NRG1: variants seen among roughly 807,000 people sequenced by gnomAD.
NRG1 encodes neuregulin 1.
Under a neutral mutation model 63.8 loss-of-function variants are expected in NRG1, and 18 were observed. The observed-to-expected ratio is 0.28, with a 90% CI of 0.19 to 0.42. NRG1 has a LOEUF of 0.42. NRG1 is among the 10% of genes least tolerant of loss of function. The probability of loss-of-function intolerance (pLI) is 1.00; values close to 1 mark genes in which losing one functional copy is unlikely to be tolerated. For missense variants in NRG1, 762 were observed against 814.7 expected, an observed-to-expected ratio of 0.94 and a Z score of 0.79; for synonymous variants, 302 against 301.3, an observed-to-expected ratio of 1.00 and a Z score of -0.02.
chr8:32,607,513 G>A (rs2129539938), intron 3 of NRG1, among the ~76,000 whole-genome samples: 1 of 152,226 alleles, frequency 6.6e-6, no homozygotes, highest in Non-Finnish European at 1.5e-5. Context: ...CATGGTTTCT[G>A]ATTTACAGGA....
chr8:32,350,448 AC>A (rs1805457103), intron 1 of NRG1, among the ~76,000 whole-genome samples: 1 of 152,176 alleles, frequency 6.6e-6, no homozygotes, highest in Non-Finnish European at 1.5e-5. Flanking sequence ...TTGTTAGTTT[AC>A]AACTAACAAA....
Position 31,859,033 on chromosome 8 carries a change from T to G in NRG1, c.37+219602T>G, listed in dbSNP as rs568753969. On this transcript the variant is annotated intron_variant, in intron 1 of 10. Transcript: ENST00000519301. ...ATGCTACAGAAATAAACAAACTTAT[T>G]TCTCATTGGCAAAAAAGTGTTGATT... Among the ~76,000 whole-genome samples, 10 of 152,324 alleles carry G rather than the reference T, an allele frequency of 6.6e-5. No individual in the cohort carries two copies. In the South Asian group the frequency reaches 1.9e-3, roughly 28 times the overall value.
intron 1 of NRG1, among the ~76,000 whole-genome samples, chr8:31,912,799 T>G (rs542091272): frequency 5.1e-4 from 78 of 152,252 alleles, no homozygotes; most frequent in African/African-American, 1.8e-3. Context: ...TGAGATCTGC[T>G]GGAGGGAAGC....
chr8:32,194,730 A>C (rs1167880380), intron 1 of NRG1, among the ~76,000 whole-genome samples: 1 of 152,158 alleles, frequency 6.6e-6, no homozygotes, highest in East Asian at 1.9e-4. Context: ...GACCAATGGA[A>C]ACCATTGGTC....
chr8:32,448,396 G>T (rs1054249776), intron 1 of NRG1, among the ~76,000 whole-genome samples: 1 of 152,114 alleles, frequency 6.6e-6, no homozygotes, highest in Non-Finnish European at 1.5e-5. Flanking sequence ...ATAAAATATC[G>T]AGGGCTTAAA....
intron 1 of NRG1, among the ~76,000 whole-genome samples, chr8:32,584,401 A>C (rs962835378): frequency 6.6e-6 from 1 of 152,188 alleles, no homozygotes; most frequent in Non-Finnish European, 1.5e-5. Flanking sequence ...TTAAGAGTGC[A>C]AGGAGGTTTT....
At chr8:32,347,325 C>G (rs976366798) in intron 1 of NRG1, among the ~76,000 whole-genome samples, 1 of 152,190 alleles carries the variant, frequency 6.6e-6, no homozygotes, top group African/African-American at 2.4e-5. Context: ...TTCCCAGCAT[C>G]TGATAACCAT....
At chr8:32,384,650 G>A (rs1296156785) in intron 1 of NRG1, among the ~76,000 whole-genome samples, 1 of 152,166 alleles carries the variant, frequency 6.6e-6, no homozygotes, top group Non-Finnish European at 1.5e-5. Context: ...TCTTTTGGAA[G>A]GGAAAAATAA....
chr8:32,338,455 G>A (rs747250686), intron 1 of NRG1, among the ~76,000 whole-genome samples: 49 of 152,086 alleles, frequency 3.2e-4, no homozygotes, highest in Non-Finnish European at 5.7e-4. Context: ...AAATATGTTT[G>A]ATAAGTATGA....
intron 1 of NRG1, among the ~76,000 whole-genome samples, chr8:31,766,544 A>C (rs982461581): frequency 4.6e-5 from 7 of 152,212 alleles, no homozygotes; most frequent in African/African-American, 1.7e-4. Context: ...CAGTAGAGTC[A>C]ATTTCTGAAA....
intron 1 of NRG1, among the ~76,000 whole-genome samples, chr8:31,907,345 CT>C (rs11314573): frequency 0.39 from 53,899 of 136,992 alleles, 10,233 homozygotes; most frequent in Admixed American, 0.45. Context: ...GCAGATGATC[CT>C]TTTTTTTTTT....
chr8:32,559,245 T>TAAAAAAGAAAAA (rs1835847467), intron 1 of NRG1, among the ~76,000 whole-genome samples: 1 of 96,790 alleles, frequency 1.0e-5, no homozygotes, highest in Non-Finnish European at 2.0e-5. Flanking sequence ...CTCTAAAATG[T>TAAAAAAGAAAAA]AAAAAAAAAA....
Position 32,500,245 on chromosome 8 carries a change from G to A in NRG1, c.38-95583G>A, listed in dbSNP as rs1037143969. Among the ~76,000 whole-genome samples, 5 of 152,280 alleles carry A rather than the reference G, an allele frequency of 3.3e-5. No homozygotes were observed. In the East Asian group the frequency reaches 9.7e-4, roughly 29 times the overall value. ...GGACTCTCAGAATAGACTTTTAAAAGCTCTTGAGAGTAGTAAGCCAAGCCA... is the reference window on the plus strand; with the variant it reads ...GGACTCTCAGAATAGACTTTTAAAAACTCTTGAGAGTAGTAAGCCAAGCCA... On this transcript the variant is annotated intron_variant, in intron 1 of 10. Coordinates refer to the NRG1 transcript ENST00000519301.
rs1331400884 is a variant in NRG1 at position 31,919,496 on chromosome 8, T to A, written c.37+280065T>A. Among the ~76,000 whole-genome samples, 3 of 152,028 alleles carry A rather than the reference T, an allele frequency of 2.0e-5. No homozygotes were observed. The East Asian group carries it at 5.8e-4, about 29-fold the overall frequency. ...TTTTGAAAATGTGCAGAGGTTTAGG[T>A]ATTTTATAATAGTGACAATTTACAT... On this transcript the variant is annotated intron_variant, in intron 1 of 10. Coordinates refer to the NRG1 transcript ENST00000519301.
chr8:31,944,181 C>T (rs1314040294), intron 1 of NRG1, among the ~76,000 whole-genome samples: 1 of 152,122 alleles, frequency 6.6e-6, no homozygotes, highest in Non-Finnish European at 1.5e-5. Context: ...CGCAGAATAA[C>T]CATGAACACA....
At chr8:31,798,280 T>C (rs1018556874) in intron 1 of NRG1, among the ~76,000 whole-genome samples, 7 of 152,318 alleles carry the variant, frequency 4.6e-5, no homozygotes, top group East Asian at 1.9e-4. Context: ...CCTGATTTGA[T>C]CATTATGCAT....
intron 1 of NRG1, among the ~76,000 whole-genome samples, chr8:32,119,122 T>C (rs1335567532): frequency 6.6e-6 from 1 of 151,970 alleles, no homozygotes; most frequent in Non-Finnish European, 1.5e-5. Context: ...GAACATTTGC[T>C]CTCCTGAAAC....
At chr8:32,620,717 G>A (rs1848194825) in intron 5 of NRG1, among the ~76,000 whole-genome samples, 2 of 151,944 alleles carry the variant, frequency 1.3e-5, no homozygotes, top group Non-Finnish European at 2.9e-5. Flanking sequence ...AGCTACTTGG[G>A]AGGCTGAGGT....
intron 1 of NRG1, among the ~76,000 whole-genome samples, chr8:32,125,209 TA>T (rs1370876222): frequency 3.9e-5 from 6 of 151,958 alleles, no homozygotes; most frequent in Admixed American, 2.0e-4. Context: ...CTGTGAGAAG[TA>T]AATGTATATT....
Sources: allele counts gnomAD v4.1 joint callset (sites outside exome capture counted in the v4.1 genomes callset), GRCh38; gene constraint gnomAD v4.1.1; transcripts MANE v1.5; gene names NCBI Gene and HGNC (gene_info 2026-07-23, HGNC 2026-07-21).